STEEP1: variants seen among roughly 807,000 people sequenced by gnomAD.
The protein encoded by STEEP1 is STING1 ER exit protein 1.
In STEEP1, 3 loss-of-function variants were observed where a neutral mutation model predicts 19.2. The observed-to-expected ratio is 0.16, with a 90% CI of 0.07 to 0.40. STEEP1 has a LOEUF of 0.40. Ranked by LOEUF, STEEP1 falls within the 10% of genes least tolerant of loss-of-function variation. STEEP1 has a pLI of 0.99. For synonymous variants in STEEP1, 46 were observed against 63.7 expected (o/e 0.72, Z 1.32); for missense variants, 54 against 177.1 (o/e 0.30, Z 3.94).
At chrX:119,556,554 G>A (rs1363781483) in intron 2 of STEEP1, among the ~76,000 whole-genome samples, 6 of 100,085 alleles carry the variant, frequency 6.0e-5, no homozygotes, top group African/African-American at 2.2e-4. Context: ...CTGCACTCCA[G>A]CCTGGGTGAC....
At chrX:119,559,876 G>A (rs967703311) in intron 2 of STEEP1, among the ~76,000 whole-genome samples, 31 of 90,887 alleles carry the variant, frequency 3.4e-4, no homozygotes, top group African/African-American at 1.0e-3. Flanking sequence ...TGGTGAAACT[G>A]CGTCTCTACT....
rs1431917498 is a variant in STEEP1, at chrX:119,539,078, T to C, written c.*649A>G. Reference sequence around the variant, plus strand: ...AAAAATCTTGCAACATGTTATTAACTTTGAAGAAAGAATAAAAGCAGCCAC... The same window carrying C: ...AAAAATCTTGCAACATGTTATTAACCTTGAAGAAAGAATAAAAGCAGCCAC... On this transcript the variant is annotated 3_prime_UTR_variant, in exon 7 of 7. Coordinates refer to ENST00000644802, the MANE Select transcript of STEEP1 (RefSeq NM_022101.4). 1 of 111,975 alleles carries C rather than the reference T, an allele frequency of 8.9e-6. No homozygotes were observed. The highest frequency in any genetic ancestry group is 3.2e-5 in the African/African-American group (1 of 30,789). 9.2% of individuals were successfully genotyped at this position (111,975 alleles called of 1,213,427 possible).
At chrX:119,555,352 C>T (rs185314492) in intron 2 of STEEP1, among the ~76,000 whole-genome samples, 1 of 110,372 alleles carries the variant, frequency 9.1e-6, no homozygotes, top group East Asian at 2.9e-4. Context: ...GAGTGTTTTC[C>T]TTGTACTCCA....
At chrX:119,564,474 C>A (rs1409383110) in intron 1 of STEEP1, among the ~76,000 whole-genome samples, 1 of 80,329 alleles carries the variant, frequency 1.2e-5, no homozygotes, top group Non-Finnish European at 2.2e-5. Context: ...CCAGCCTGGG[C>A]AGCAGAGTGA....
intron 3 of STEEP1, 46 bp from the exon 4 acceptor site, chrX:119,544,537 C>T: frequency 8.6e-7 from 1 of 1,157,611 alleles, no homozygotes; most frequent in Non-Finnish European, 1.2e-6. Flanking sequence ...AATCCAAATT[C>T]CCAAAACAGC....
intron 2 of STEEP1, among the ~76,000 whole-genome samples, chrX:119,559,990 G>A (rs1423146602): frequency 3.6e-5 from 4 of 111,621 alleles, no homozygotes; most frequent in African/African-American, 1.3e-4. Flanking sequence ...TGGAGGTTGC[G>A]GTAAGCCGAG....
chrX:119,557,495 A>G (rs1364086945), intron 2 of STEEP1, among the ~76,000 whole-genome samples: 767 of 31,144 alleles, frequency 0.025, 11 homozygotes, highest in African/African-American at 0.057. Context: ...AAAAAAAAAA[A>G]GAAAAAAGAA....
intron 2 of STEEP1, among the ~76,000 whole-genome samples, chrX:119,551,605 A>C (rs1404528283): frequency 9.0e-6 from 1 of 111,412 alleles, no homozygotes; most frequent in African/African-American, 3.3e-5. Flanking sequence ...CAGGCAGTAC[A>C]ACTGAGGCAG....
At chrX:119,563,507 C>T (rs946261087) in intron 1 of STEEP1, among the ~76,000 whole-genome samples, 3 of 105,506 alleles carry the variant, frequency 2.8e-5, no homozygotes, top group Non-Finnish European at 5.8e-5. Context: ...GAGATCGCAC[C>T]ACTGCACTCC....
intron 2 of STEEP1, among the ~76,000 whole-genome samples, chrX:119,555,491 T>G (rs966348965): frequency 4.5e-5 from 5 of 111,179 alleles, no homozygotes; most frequent in African/African-American, 1.6e-4. Context: ...AGAATTTAAT[T>G]AAAGAAAGGA....
Position 119,564,013 on chromosome X carries a change from T to C in STEEP1, c.124+1219A>G, listed in dbSNP as rs755513748. On this transcript the variant is annotated intron_variant, in intron 1 of 6. Transcript: ENST00000644802. ...TCAAGTGGAGATGTTGAATAGGCAA[T>C]TGGAGTCTCAGGAGAGGTGCAGGTT... is the stretch of plus-strand genomic sequence containing the variant. 7.2e-5 allele frequency among the ~76,000 whole-genome samples: 8 copies of C among 111,502 alleles called. No homozygotes were observed. In the South Asian group the frequency reaches 3.0e-3, roughly 41 times the overall value.
chrX:119,552,926 G>A (rs1379544711), intron 2 of STEEP1, among the ~76,000 whole-genome samples: 3 of 111,320 alleles, frequency 2.7e-5, no homozygotes, highest in Non-Finnish European at 3.8e-5. Flanking sequence ...ACTTTGGGAG[G>A]CTGAGGTGGG....
At chrX:119,553,962 C>T (rs1167116032) in intron 2 of STEEP1, among the ~76,000 whole-genome samples, 1 of 112,087 alleles carries the variant, frequency 8.9e-6, no homozygotes, top group African/African-American at 3.2e-5. Context: ...AGGGTTCCTG[C>T]TCTCAAAAAG....
chrX:119,548,768 C>T (rs1475600608), intron 2 of STEEP1, among the ~76,000 whole-genome samples: 1 of 111,193 alleles, frequency 9.0e-6, no homozygotes, highest in Non-Finnish European at 1.9e-5. Context: ...CACTCTCATG[C>T]TCATTGCAGC....
intron 2 of STEEP1, among the ~76,000 whole-genome samples, chrX:119,548,470 G>A (rs371298810): frequency 1.5e-4 from 15 of 100,578 alleles, no homozygotes; most frequent in African/African-American, 5.6e-4. Context: ...GGAGGTAGAG[G>A]TTGCAGTGAA....
rs1177157827 is a variant in STEEP1 at position 119,538,421 on chromosome X, T to C, written c.*1306A>G. On this transcript the variant is annotated 3_prime_UTR_variant, in exon 7 of 7. Coordinates refer to ENST00000644802, the MANE Select transcript of STEEP1 (RefSeq NM_022101.4). ...AGGGTAGCTCCCTCCCTTGGGTTAC[T>C]TTTTTTTTTTTTTTTTTTTGTAGAG... The C allele has an allele frequency of 1.2e-5, 1 of 86,758 alleles. No individual in the cohort carries two copies. The highest frequency in any genetic ancestry group is 2.3e-5 in the Non-Finnish European group (1 of 43,853). 7.1% of individuals were successfully genotyped at this position (86,758 alleles called of 1,213,427 possible).
chrX:119,540,916 C>T (rs1044499228), intron 6 of STEEP1, among the ~76,000 whole-genome samples: 12 of 111,062 alleles, frequency 1.1e-4, no homozygotes, highest in Non-Finnish European at 1.9e-4. Flanking sequence ...TGTGGTGGCA[C>T]GTGCCTGTAG....
chrX:119,563,817 C>G (rs1396498238), intron 1 of STEEP1, among the ~76,000 whole-genome samples: 2 of 111,874 alleles, frequency 1.8e-5, no homozygotes, highest in South Asian at 7.4e-4. Flanking sequence ...ATGTAAGGTA[C>G]GTGACAGACA....
At chrX:119,565,197 C>G in intron 1 of STEEP1, 35 bp downstream of exon 1, 1 of 1,186,020 alleles carries the variant, frequency 8.4e-7, no homozygotes, top group Non-Finnish European at 1.1e-6. Context: ...AAGTCTGGCT[C>G]CTTGCAGACG....
Sources: allele counts gnomAD v4.1 joint callset (sites outside exome capture counted in the v4.1 genomes callset), GRCh38; gene constraint gnomAD v4.1.1; transcripts MANE v1.5; gene names NCBI Gene and HGNC (gene_info 2026-07-23, HGNC 2026-07-21).